The following RYR3 variants were observed in gnomAD, a reference collection of about 807,000 sequenced individuals.
RYR3 encodes ryanodine receptor 3.
RYR3 carries 207 observed loss-of-function variants against 584.3 expected under a neutral mutation model. The ratio of observed to expected loss-of-function variants is 0.35; its 90% CI spans 0.32 to 0.40. RYR3 has a LOEUF of 0.40. Ranked by LOEUF, RYR3 falls within the 10% of genes least tolerant of loss-of-function variation. RYR3 has a pLI of 1.00. For missense variants in RYR3, 5,616 were observed against 6,089.2 expected (o/e 0.92, Z 2.59); for synonymous variants, 2,416 against 2,248.5 (o/e 1.07, Z -2.11).
At chr15:33,491,015 G>A (rs1453409301) in intron 2 of RYR3, among the ~76,000 whole-genome samples, 1 of 152,002 alleles carries the variant, frequency 6.6e-6, no homozygotes. Context: ...TATTGGATGG[G>A]GCCAGGAACT....
chr15:33,519,133 A>C (rs2053772768), intron 3 of RYR3, among the ~76,000 whole-genome samples: 1 of 152,176 alleles, frequency 6.6e-6, no homozygotes. Flanking sequence ...TCTAGAATGC[A>C]TGGGGGGCAG....
chr15:33,573,575 C>T (rs747748627), intron 12 of RYR3, among the ~76,000 whole-genome samples: 1 of 152,176 alleles, frequency 6.6e-6, no homozygotes, highest in Non-Finnish European at 1.5e-5. Context: ...TGTCAGCTGT[C>T]CTCTAAGTTT....
At chr15:33,460,890 C>T in intron 1 of RYR3, among the ~76,000 whole-genome samples, 1 of 149,548 alleles carries the variant, frequency 6.7e-6, no homozygotes. Context: ...GGAACAGCCC[C>T]ACTGTATCAC....
At chr15:33,645,011 C>T (rs1485416967) in intron 28 of RYR3, among the ~76,000 whole-genome samples, 1 of 151,758 alleles carries the variant, frequency 6.6e-6, no homozygotes, top group African/African-American at 2.4e-5. Context: ...GACCTCGTCT[C>T]TTGAAACAAT....
chr15:33,392,229 A>T (rs75598725), intron 1 of RYR3, among the ~76,000 whole-genome samples: 4,013 of 151,456 alleles, frequency 0.026, 167 homozygotes, highest in African/African-American at 0.092. Context: ...AAGTCAAATA[A>T]AGGAATGAAG....
chr15:33,703,749 T>C (rs1386844981), intron 42 of RYR3, among the ~76,000 whole-genome samples: 1 of 152,202 alleles, frequency 6.6e-6, no homozygotes, highest in Non-Finnish European at 1.5e-5. Context: ...TATCAGACAT[T>C]TTTACAATAA....
At chr15:33,598,137 T>C (rs2059465745) in intron 16 of RYR3, among the ~76,000 whole-genome samples, 1 of 148,384 alleles carries the variant, frequency 6.7e-6, no homozygotes, top group Non-Finnish European at 1.5e-5. Flanking sequence ...AACTACACCT[T>C]CCTTAAAAAC....
intron 43 of RYR3, among the ~76,000 whole-genome samples, chr15:33,715,138 G>C (rs2067401860): frequency 6.6e-6 from 1 of 152,174 alleles, no homozygotes; most frequent in Admixed American, 6.5e-5. Context: ...ATCTTTTAGG[G>C]TTGAGAGTAC....
At chr15:33,816,806 T>C in intron 74 of RYR3, 56 bp from the exon 75 acceptor site, 1 of 1,214,000 alleles carries the variant, frequency 8.2e-7, no homozygotes, top group Non-Finnish European at 1.2e-6. Context: ...CTGCCCAAAC[T>C]AAAAGAACAA....
At chr15:33,632,274 T>C (rs956576543) in intron 23 of RYR3, among the ~76,000 whole-genome samples, 2 of 152,226 alleles carry the variant, frequency 1.3e-5, no homozygotes, top group Non-Finnish European at 2.9e-5. Flanking sequence ...TATTCCCACA[T>C]GGCCATGACA....
chr15:33,862,560 A>G (rs957162044), intron 102 of RYR3, among the ~76,000 whole-genome samples: 9 of 152,266 alleles, frequency 5.9e-5, no homozygotes, highest in African/African-American at 2.2e-4. Flanking sequence ...GCATTGTCAG[A>G]AGTGGCAAAG....
At chr15:33,388,206 G>A (rs2041759128) in intron 1 of RYR3, among the ~76,000 whole-genome samples, 1 of 152,182 alleles carries the variant, frequency 6.6e-6, no homozygotes. Flanking sequence ...AGTTGATAAA[G>A]TAAAACTTTA....
At chr15:33,609,556 A>T (rs935862954) in intron 18 of RYR3, among the ~76,000 whole-genome samples, 3 of 152,232 alleles carry the variant, frequency 2.0e-5, no homozygotes, top group African/African-American at 4.8e-5. Context: ...TGGGGGCTGC[A>T]GTGAAAGGAT....
At chr15:33,622,653 AAGGGC>A in intron 19 of RYR3, among the ~76,000 whole-genome samples, 2 of 152,338 alleles carry the variant, frequency 1.3e-5, no homozygotes, top group Non-Finnish European at 2.9e-5. Context: ...TTAAATGGAG[AAGGGC>A]AGGGGAATGA....
At chr15:33,319,193 ATGTCCACAG>A (rs963246168) in intron 1 of RYR3, among the ~76,000 whole-genome samples, 1 of 152,228 alleles carries the variant, frequency 6.6e-6, no homozygotes, top group African/African-American at 2.4e-5. Flanking sequence ...TGGCACATAA[ATGTCCACAG>A]TGTGAGAAGA....
chr15:33,749,863 G>C (rs2071109772), intron 55 of RYR3, 116 bp from the exon 56 acceptor site: 4 of 777,442 alleles, frequency 5.1e-6, no homozygotes, highest in African/African-American at 1.8e-5. Context: ...TTGGCCGTCT[G>C]CTGTTAGTGT....
intron 16 of RYR3, among the ~76,000 whole-genome samples, chr15:33,591,138 TC>T (rs2059111717): frequency 6.6e-6 from 1 of 152,146 alleles, no homozygotes; most frequent in South Asian, 2.1e-4. Flanking sequence ...TTCCTACTTT[TC>T]CAGGACTCAT....
In RYR3 at chr15:33,311,327, G is replaced by A. The variant is rs1229664656; in HGVS notation, c.51+231G>A. ...CCCTTGTTCCCCTACCGCCACCCCTGCCCCAGGCCCTCCACCTAGGACCGC... is the reference window on the plus strand; with the variant it reads ...CCCTTGTTCCCCTACCGCCACCCCTACCCCAGGCCCTCCACCTAGGACCGC... On this transcript the variant is annotated intron_variant, in intron 1 of 103. Transcript: ENST00000634891. This position sits in a 1 kb window ranked among gnomAD's most constrained non-coding sequence, Gnocchi z 4.4. Among the ~76,000 whole-genome samples the A allele has an allele frequency of 6.6e-6, 1 of 152,182 alleles. No homozygotes were observed. The highest frequency in any genetic ancestry group is 2.4e-5 in the African/African-American group (1 of 41,460).
intron 96 of RYR3, 88 bp from the exon 97 acceptor site, chr15:33,854,301 G>A: frequency 9.7e-7 from 1 of 1,030,982 alleles, no homozygotes; most frequent in Non-Finnish European, 1.4e-6. Context: ...TATTAAACCT[G>A]AGAGAAAAAA....
Sources: gnomAD v4.1 joint callset for allele counts (sites outside exome capture counted in the v4.1 genomes callset) on GRCh38, gnomAD v4.1.1 for gene constraint, Gnocchi (gnomAD v3.1) non-coding constraint, MANE v1.5 for transcripts, NCBI Gene and HGNC (gene_info 2026-07-23, HGNC 2026-07-21) for gene names.